The following NOP2 variants were observed in gnomAD, a reference collection of about 807,000 sequenced individuals.
NOP2 encodes NOP2 nucleolar protein.
Under a neutral mutation model 72.7 loss-of-function variants are expected in NOP2, and 7 were observed. That is an observed-to-expected ratio of 0.10 (90% confidence interval 0.05 to 0.18). The LOEUF (loss-of-function observed/expected upper bound fraction) is 0.18. Among genes scored for constraint, NOP2 ranks in the 10% least tolerant of loss-of-function variants. The pLI, the probability that NOP2 is intolerant of heterozygous loss-of-function variation, is 1.00. For missense variants in NOP2, 954 were observed against 1,014.7 expected (o/e 0.94, Z 0.81); for synonymous variants, 387 against 388.0 (o/e 1.00, Z 0.03).
chr12:6,562,821 A>C (rs960238912), intron 9 of NOP2, among the ~76,000 whole-genome samples: 2 of 152,060 alleles, frequency 1.3e-5, no homozygotes, highest in Admixed American at 1.3e-4. Flanking sequence ...ATCTCCCTCC[A>C]ATTTCCTTGG....
At chr12:6,561,098 T>G (rs372324793) in intron 11 of NOP2, 28 bp from the exon 12 acceptor site, 1 of 1,610,852 alleles carries the variant, frequency 6.2e-7, no homozygotes, top group African/African-American at 1.3e-5. Context: ...ACAGTGCTGA[T>G]CAGCCAGTTC....
rs1592234335 is a variant in NOP2 at position 6,557,207 on chromosome 12, G to C, written c.2225C>G (p.Pro742Arg). The C allele has an allele frequency of 2.5e-6, 4 of 1,613,920 alleles. No homozygotes were observed. Among genetic ancestry groups the C allele is most frequent in the Non-Finnish European group, 1.7e-6 (2 of 1,179,908 alleles). The change falls in exon 16 of 16, where the codon CCT (proline) becomes CGT (arginine). Residue 742 changes from proline to arginine, a missense_variant. By Grantham distance (103) the Pro-to-Arg change is moderately radical. Coordinates refer to ENST00000322166, the MANE Select transcript of NOP2 (RefSeq NM_001258308.2). ...TCCAAGGGGCTGATGATGGTCCTTA[G>C]GTTTCAGGGTGGCCTGAGTCTTGGA... ...SPSKTQATLK[P>R]KDHHQPLGRA...
rs1218771025 is a variant in NOP2, at chr12:6,563,030, C to A, written c.978+51G>T. On this transcript the variant is annotated intron_variant, in intron 9 of 15. Transcript: ENST00000322166. The stretch of plus-strand genomic sequence containing the variant: ...AGCACAGAGGAATCTCTGGAGTTGG[C>A]AGAAGTCACTTCCCTTCTGAGATGA... 4 of 1,515,928 alleles carry A rather than the reference C, an allele frequency of 2.6e-6. No homozygotes were observed. The Admixed American group carries it at 7.8e-5, about 30-fold the overall frequency. 93.9% of individuals were successfully genotyped at this position (1,515,928 alleles called of 1,614,324 possible). A position where few individuals can be genotyped will look rare whatever the true frequency, so the allele number is the denominator to read the frequency against.
Position 6,557,591 on chromosome 12 carries a change from G to GGT in NOP2, c.1840_1841insAC (p.Pro614HisfsTer38), listed in dbSNP as rs760155359. 9.3e-6 allele frequency: 15 copies of GGT among 1,613,524 alleles called. No individual in the cohort carries two copies. Among genetic ancestry groups the GGT allele is most frequent in the Admixed American group, 3.3e-5 (2 of 59,950 alleles). ...TGGCTGGCTGCTGTTCTCAGACTTG[G>GGT]GGATGACCTGAGGCAAGTCTACATT... is the stretch of plus-strand genomic sequence containing the variant. On this transcript the variant is annotated frameshift_variant, in exon 16 of 16. Coordinates refer to ENST00000322166, the MANE Select transcript of NOP2 (RefSeq NM_001258308.2). LOFTEE classifies it low-confidence loss of function (END_TRUNC).
intron 2 of NOP2, among the ~76,000 whole-genome samples, chr12:6,567,158 C>T (rs762332779): frequency 7.9e-5 from 12 of 152,098 alleles, no homozygotes; most frequent in Non-Finnish European, 1.5e-4. Flanking sequence ...CCATGTTGGC[C>T]AGGCTGGTCT....
Position 6,556,961 on chromosome 12 carries a change from G to A in NOP2, c.*32C>T, listed in dbSNP as rs1947491294. ...GCAAGAGTTCCAACCTGGTGACAAT[G>A]GCAGTGAGCCACCCGTCTAGTTTTC... On this transcript the variant is annotated 3_prime_UTR_variant, in exon 16 of 16. Coordinates refer to ENST00000322166, the MANE Select transcript of NOP2 (RefSeq NM_001258308.2). The A allele has an allele frequency of 1.2e-6, 2 of 1,611,988 alleles. No individual in the cohort carries two copies. The highest frequency in any genetic ancestry group is 1.7e-6 in the Non-Finnish European group (2 of 1,179,136).
Position 6,556,981 on chromosome 12 carries a change from G to C in NOP2, c.*12C>G, listed in dbSNP as rs201707131. On this transcript the variant is annotated 3_prime_UTR_variant, in exon 16 of 16. Transcript: ENST00000322166. ...ACAATGGCAGTGAGCCACCCGTCTA[G>C]TTTTCAACCATCTAAGATAGCAGCA... 1.5e-5 allele frequency: 25 copies of C among 1,613,526 alleles called. No homozygotes were observed. The highest frequency in any genetic ancestry group is 2.0e-5 in the Non-Finnish European group (24 of 1,179,794).
At chr12:6,567,025 G>A (rs966809333) in intron 2 of NOP2, among the ~76,000 whole-genome samples, 19 of 151,534 alleles carry the variant, frequency 1.3e-4, no homozygotes, top group Non-Finnish European at 2.2e-4. Flanking sequence ...CCAGGCTGGA[G>A]TGCAATGGCG....
chr12:6,558,666 G>A (rs893038126), intron 15 of NOP2, among the ~76,000 whole-genome samples: 3 of 147,576 alleles, frequency 2.0e-5, no homozygotes, highest in Non-Finnish European at 4.5e-5. Context: ...CTGGAGTACA[G>A]TGGTGCCATC....
At position 6,558,561 on chromosome 12, in the gene NOP2, G is replaced by GT. The variant is rs1947566103; in HGVS notation, c.1790-920_1790-919insA. On this transcript the variant is annotated intron_variant, in intron 15 of 15. Coordinates refer to ENST00000322166, the MANE Select transcript of NOP2 (RefSeq NM_001258308.2). Reference sequence around the variant, plus strand: ...GTTACAGGCGCGAGCCACCACGCCCGGCCTCGCAGGGTCTTCTAAATGAAT... The same window carrying GT: ...GTTACAGGCGCGAGCCACCACGCCCGTGCCTCGCAGGGTCTTCTAAATGAAT... Among the ~76,000 whole-genome samples, 4 of 151,886 alleles carry GT rather than the reference G, an allele frequency of 2.6e-5. No homozygotes were observed. In the South Asian group the frequency reaches 6.2e-4, roughly 24 times the overall value.
intron 5 of NOP2, among the ~76,000 whole-genome samples, chr12:6,565,395 C>A (rs1037873903): frequency 1.3e-5 from 2 of 151,944 alleles, no homozygotes; most frequent in African/African-American, 2.4e-5. Flanking sequence ...GGCTGGAGTG[C>A]AATGGCATGA....
intron 5 of NOP2, among the ~76,000 whole-genome samples, chr12:6,565,255 G>A (rs1032260298): frequency 2.7e-5 from 4 of 150,928 alleles, no homozygotes; most frequent in African/African-American, 9.8e-5. Flanking sequence ...CCAAGCTCCA[G>A]TCATCTTCCC....
At chr12:6,566,036 A>G in intron 5 of NOP2, 65 bp downstream of exon 5, 1 of 1,374,796 alleles carries the variant, frequency 7.3e-7, no homozygotes, top group East Asian at 2.5e-5. Flanking sequence ...AACAGTCTCA[A>G]GAATCTGGGA....
intron 1 of NOP2, 56 bp from the exon 2 acceptor site, chr12:6,567,978 G>C: frequency 1.5e-6 from 2 of 1,373,408 alleles, no homozygotes; most frequent in African/African-American, 1.4e-5. Context: ...GGGAACGGCA[G>C]AACGCACGCT....
intron 2 of NOP2, 26 bp from the exon 3 acceptor site, chr12:6,566,848 G>A: frequency 6.3e-7 from 1 of 1,595,270 alleles, no homozygotes; most frequent in Non-Finnish European, 8.6e-7. Flanking sequence ...AAACGAGGCA[G>A]AACAAGTTAC....
chr12:6,568,119 C>G, intron 1 of NOP2, 88 bp downstream of exon 1: 1 of 589,646 alleles, frequency 1.7e-6, no homozygotes, highest in Non-Finnish European at 3.0e-6. Flanking sequence ...GCCCTCCCAC[C>G]TGAAACCCAG....
chr12:6,561,204 CT>C (rs1947640352), intron 11 of NOP2, 134 bp from the exon 12 acceptor site: 1 of 1,020,758 alleles, frequency 9.8e-7, no homozygotes, highest in African/African-American at 1.6e-5. Context: ...AGCCTGCCTA[CT>C]GTATAGGCTG....
At chr12:6,567,775 T>C (rs770660866) in intron 2 of NOP2, 41 bp downstream of exon 2, 27 of 1,489,478 alleles carry the variant, frequency 1.8e-5, no homozygotes, top group Non-Finnish European at 2.3e-5. Context: ...TACAGAATAC[T>C]GCAAAAGCTG....
At position 6,563,639 on chromosome 12, in the gene NOP2, C is replaced by A. The variant is rs1947705002; in HGVS notation, c.663G>T (p.Leu221=). 6.2e-7 allele frequency: 1 copy of A among 1,612,696 alleles called. No homozygotes were observed. The highest frequency in any genetic ancestry group is 1.7e-5 in the Admixed American group (1 of 59,864). ...QINVDEEPFV[L]PPAGEMEQDA... ...CCTGCTCCATCTCCCCAGCAGGGGGCAGCACAAATGGTTCCTCATCCACAT... is the reference window on the plus strand; with the variant it reads ...CCTGCTCCATCTCCCCAGCAGGGGGAAGCACAAATGGTTCCTCATCCACAT... The change falls in exon 7 of 16, where the codon CTG becomes CTT. Residue 221 remains leucine, a synonymous_variant. Coordinates refer to ENST00000322166, the MANE Select transcript of NOP2 (RefSeq NM_001258308.2).
Sources: allele counts gnomAD v4.1 joint callset (sites outside exome capture counted in the v4.1 genomes callset), GRCh38; gene constraint gnomAD v4.1.1; transcripts MANE v1.5; gene names NCBI Gene and HGNC (gene_info 2026-07-23, HGNC 2026-07-21).